The following STAU2 variants were observed in gnomAD, a reference collection of about 807,000 sequenced individuals.
STAU2 encodes double-stranded RNA-binding protein Staufen homolog 2.
A neutral mutation model predicts 65.9 loss-of-function variants in STAU2; 20 were observed. The observed-to-expected ratio is 0.30, with a 90% CI of 0.21 to 0.44. The LOEUF is 0.44. STAU2 is among the 20% of genes least tolerant of loss of function. The pLI is 1.00. For synonymous variants in STAU2, 232 were observed against 233.9 expected (o/e 0.99, Z 0.07); for missense variants, 558 against 683.9 (o/e 0.82, Z 2.05).
chr8:73,604,357 T>C (rs1204053943), intron 9 of STAU2, among the ~76,000 whole-genome samples: 1 of 152,094 alleles, frequency 6.6e-6, no homozygotes, highest in African/African-American at 2.4e-5. Context: ...GCCTCCCAAA[T>C]AGCTGGAACT....
chr8:73,717,908 T>TA (rs796107886), intron 3 of STAU2, among the ~76,000 whole-genome samples: 15 of 152,348 alleles, frequency 9.8e-5, no homozygotes, highest in African/African-American at 3.4e-4. Flanking sequence ...TGCAGTTCTA[T>TA]AAAAAAGCCT....
intron 6 of STAU2, among the ~76,000 whole-genome samples, chr8:73,620,483 T>C (rs1813145638): frequency 2.0e-5 from 3 of 152,154 alleles, no homozygotes; most frequent in Non-Finnish European, 1.5e-5. Context: ...TTCTGTTCAT[T>C]GTAACTTTAC....
intron 13 of STAU2, among the ~76,000 whole-genome samples, chr8:73,480,623 A>G (rs773078803): frequency 3.3e-5 from 5 of 152,188 alleles, no homozygotes; most frequent in Admixed American, 6.5e-5. Flanking sequence ...TATATCCAAG[A>G]GATAACTGAA....
rs1033430704 is a variant in STAU2 at position 73,538,788 on chromosome 8, G to A, written c.1530+13224C>T. 3.3e-5 allele frequency among the ~76,000 whole-genome samples: 5 copies of A among 151,912 alleles called. 1 individual carries two copies. The highest frequency in any genetic ancestry group is 1.5e-5 in the Non-Finnish European group (1 of 67,942). On this transcript the variant is annotated intron_variant, in intron 13 of 14. Coordinates refer to ENST00000524300, the MANE Select transcript of STAU2 (RefSeq NM_001164380.2). ...TTGCTACTTGATTTGCAAAAGATAAGAAGAAATAAGTTGGTGCTTAAACTA... is the reference window on the plus strand; with the variant it reads ...TTGCTACTTGATTTGCAAAAGATAAAAAGAAATAAGTTGGTGCTTAAACTA...
At position 73,420,490 on chromosome 8, in the gene STAU2, A is replaced by G; in HGVS notation, c.*882T>C. Reference sequence around the variant, plus strand: ...GGTTTTTCCCTTCCCCGTCATGTACATTATTTATTTTTGATCCTACTCACT... The same window carrying G: ...GGTTTTTCCCTTCCCCGTCATGTACGTTATTTATTTTTGATCCTACTCACT... On this transcript the variant is annotated 3_prime_UTR_variant, in exon 15 of 15. Coordinates refer to ENST00000524300, the MANE Select transcript of STAU2 (RefSeq NM_001164380.2). 3.9e-6 allele frequency: 1 copy of G among 258,686 alleles called. No individual in the cohort carries two copies. The highest frequency in any genetic ancestry group is 7.9e-6 in the Non-Finnish European group (1 of 126,690). 16.0% of individuals were successfully genotyped at this position (258,686 alleles called of 1,614,324 possible).
intron 3 of STAU2, among the ~76,000 whole-genome samples, chr8:73,722,496 CTTTA>C (rs1586352016): frequency 1.3e-5 from 2 of 152,234 alleles, no homozygotes; most frequent in East Asian, 3.9e-4. Context: ...TTTATCTCAT[CTTTA>C]TTTTAGAAAC....
At chr8:73,686,682 G>C (rs954368004) in intron 5 of STAU2, among the ~76,000 whole-genome samples, 1 of 151,346 alleles carries the variant, frequency 6.6e-6, no homozygotes, top group Non-Finnish European at 1.5e-5. Context: ...AAATCATCAC[G>C]GAAGAATTTA....
At chr8:73,600,785 ACTT>A (rs1351299677) in intron 10 of STAU2, among the ~76,000 whole-genome samples, 1 of 152,120 alleles carries the variant, frequency 6.6e-6, no homozygotes, top group Non-Finnish European at 1.5e-5. Context: ...TTCAAGACTT[ACTT>A]CTTCTAAAAC....
At chr8:73,732,786 C>A (rs60776153) in intron 3 of STAU2, 19,316 of 152,176 alleles carry the variant, frequency 0.13, 1,693 homozygotes, top group East Asian at 0.36. Flanking sequence ...ATACTTCACT[C>A]AATGATCTAC....
At chr8:73,589,637 ATTG>A (rs1810626155) in intron 11 of STAU2, among the ~76,000 whole-genome samples, 1 of 152,222 alleles carries the variant, frequency 6.6e-6, no homozygotes, top group Non-Finnish European at 1.5e-5. Flanking sequence ...CTGAAGAAAT[ATTG>A]TTGAACTTGT....
chr8:73,626,992 G>A (rs1156809684), intron 6 of STAU2, among the ~76,000 whole-genome samples: 2 of 151,972 alleles, frequency 1.3e-5, no homozygotes, highest in Non-Finnish European at 2.9e-5. Context: ...GCAGTAAGAT[G>A]TGCCTCCCCT....
intron 13 of STAU2, among the ~76,000 whole-genome samples, chr8:73,498,246 GA>G (rs1166994825): frequency 6.6e-6 from 1 of 151,738 alleles, no homozygotes; most frequent in African/African-American, 2.4e-5. Context: ...AGAGACCAGT[GA>G]AAAAAGTAAT....
At chr8:73,598,536 C>G (rs909877401) in intron 10 of STAU2, among the ~76,000 whole-genome samples, 2 of 152,028 alleles carry the variant, frequency 1.3e-5, no homozygotes, top group African/African-American at 2.4e-5. Context: ...AGAAGAAAAC[C>G]TTTTAAATAT....
chr8:73,732,114 A>G (rs777516180), intron 3 of STAU2, among the ~76,000 whole-genome samples: 1 of 152,198 alleles, frequency 6.6e-6, no homozygotes, highest in Non-Finnish European at 1.5e-5. Flanking sequence ...AAGCTTGACT[A>G]AAGCTGAGAC....
intron 11 of STAU2, among the ~76,000 whole-genome samples, chr8:73,587,435 G>A (rs975877247): frequency 6.6e-6 from 1 of 152,168 alleles, no homozygotes. Context: ...TCAGGATAAT[G>A]GTGAAGAGAA....
chr8:73,529,034 A>AAGT (rs1242771870), intron 13 of STAU2, among the ~76,000 whole-genome samples: 1 of 152,088 alleles, frequency 6.6e-6, no homozygotes, highest in Non-Finnish European at 1.5e-5. Context: ...GAATCTATAA[A>AAGT]AGTAGTTTAG....
intron 6 of STAU2, among the ~76,000 whole-genome samples, chr8:73,619,905 A>G (rs1265122089): frequency 6.6e-6 from 1 of 152,058 alleles, no homozygotes; most frequent in Non-Finnish European, 1.5e-5. Context: ...CTTAACCTAA[A>G]ATCAATTTTC....
intron 13 of STAU2, among the ~76,000 whole-genome samples, chr8:73,530,998 G>A (rs1469435599): frequency 6.6e-6 from 1 of 152,214 alleles, no homozygotes; most frequent in Non-Finnish European, 1.5e-5. Context: ...AGGAGTGGAT[G>A]AAACCAGGAT....
intron 3 of STAU2, among the ~76,000 whole-genome samples, chr8:73,716,974 G>A (rs62507984): frequency 0.055 from 8,351 of 152,082 alleles, 414 homozygotes; most frequent in Admixed American, 0.16. Flanking sequence ...GGTAGTGTGC[G>A]CCTGTGATCC....
Sources: allele counts gnomAD v4.1 joint callset (sites outside exome capture counted in the v4.1 genomes callset), GRCh38; gene constraint gnomAD v4.1.1; transcripts MANE v1.5; gene names NCBI Gene and HGNC (gene_info 2026-07-23, HGNC 2026-07-21).